The following LRMDA variants were observed in gnomAD, a reference collection of about 807,000 sequenced individuals.
LRMDA encodes leucine-rich melanocyte differentiation-associated protein.
LRMDA carries 18 observed loss-of-function variants against 29.8 expected under a neutral mutation model. That is an observed-to-expected ratio of 0.60 (90% CI 0.42 to 0.90). The LOEUF (loss-of-function observed/expected upper bound fraction) is 0.90. Among genes scored for constraint, LRMDA ranks in the 40% least tolerant of loss-of-function variants. The probability of loss-of-function intolerance (pLI) is 0.00; values close to 1 mark genes in which losing one functional copy is unlikely to be tolerated. For missense variants in LRMDA, 273 were observed against 273.9 expected (o/e 1.00, Z 0.02); for synonymous variants, 125 against 109.4 (o/e 1.14, Z -0.89).
At chr10:75,856,896 C>T (rs1844837218) in intron 2 of LRMDA, among the ~76,000 whole-genome samples, 1 of 152,124 alleles carries the variant, frequency 6.6e-6, no homozygotes, top group African/African-American at 2.4e-5. Context: ...CAAATTGTCC[C>T]TGTTTGCAGA....
rs548294173 is a variant in LRMDA, at chr10:75,665,819, A to T, written c.131+227325A>T. 4.6e-5 allele frequency among the ~76,000 whole-genome samples: 7 copies of T among 152,350 alleles called. No homozygotes were observed. The East Asian group carries it at 1.3e-3, about 29-fold the overall frequency. On this transcript the variant is annotated intron_variant, in intron 2 of 6. Coordinates refer to ENST00000611255, the MANE Select transcript of LRMDA (RefSeq NM_001305581.2). ...AGTCTGTAAGTTGTAGGAAACTGAT[A>T]ATAATGCAAAAAAATTTTTGCCTCT...
Position 75,811,254 on chromosome 10 carries a change from T to C in LRMDA, c.132-224754T>C, listed in dbSNP as rs547411914. 2.6e-5 allele frequency among the ~76,000 whole-genome samples: 4 copies of C among 152,334 alleles called. No individual in the cohort carries two copies. In the East Asian group the frequency reaches 7.7e-4, roughly 29 times the overall value. ...GCCTGTCTGGTTATTCTCATCACAC[T>C]TTCCTCTCCTTCATGGGCAAGCTCC... On this transcript the variant is annotated intron_variant, in intron 2 of 6. Coordinates refer to ENST00000611255, the MANE Select transcript of LRMDA (RefSeq NM_001305581.2).
chr10:75,510,768 A>G (rs912539177), intron 2 of LRMDA, among the ~76,000 whole-genome samples: 2 of 152,174 alleles, frequency 1.3e-5, no homozygotes, highest in African/African-American at 4.8e-5. Flanking sequence ...CCATGGAGGC[A>G]GAAGAGAAGT....
At chr10:76,432,652 G>A (rs755932588) in intron 6 of LRMDA, among the ~76,000 whole-genome samples, 2 of 152,182 alleles carry the variant, frequency 1.3e-5, no homozygotes, top group African/African-American at 4.8e-5. Flanking sequence ...ATTGTCTAAT[G>A]TAACAACAGA....
chr10:75,457,586 G>C (rs190372835), intron 2 of LRMDA, among the ~76,000 whole-genome samples: 1 of 152,198 alleles, frequency 6.6e-6, no homozygotes, highest in African/African-American at 2.4e-5. Context: ...AGATAAAACT[G>C]TAGGCACTGA....
chr10:76,145,847 TA>T lies in LRMDA; in HGVS notation c.516+87065del, dbSNP rs564569658. On this transcript the variant is annotated intron_variant, in intron 5 of 6. Coordinates refer to ENST00000611255, the MANE Select transcript of LRMDA (RefSeq NM_001305581.2). ...GCATTTAGTGCTATAAATTTCCCTC[TA>T]CACACTGCTTTGAATGTGTCCCAGA... 4.8e-3 allele frequency among the ~76,000 whole-genome samples: 731 copies of T among 151,686 alleles called. 10 individuals carry two copies. The highest frequency in any genetic ancestry group is 0.017 in the African/African-American group (700 of 41,240).
intron 2 of LRMDA, among the ~76,000 whole-genome samples, chr10:75,753,153 T>C (rs554103201): frequency 2.6e-5 from 4 of 152,184 alleles, no homozygotes; most frequent in Non-Finnish European, 5.9e-5. Flanking sequence ...CCTGTTCATT[T>C]TTAAAGCCCT....
At chr10:75,658,449 A>G (rs928430252) in intron 2 of LRMDA, among the ~76,000 whole-genome samples, 8 of 152,104 alleles carry the variant, frequency 5.3e-5, no homozygotes, top group African/African-American at 1.9e-4. Context: ...TCAAATAGCA[A>G]AAGGTTTCTT....
intron 2 of LRMDA, among the ~76,000 whole-genome samples, chr10:75,867,747 A>G (rs1845044633): frequency 6.6e-6 from 1 of 152,132 alleles, no homozygotes; most frequent in Admixed American, 6.5e-5. Context: ...TCCCCTTTCT[A>G]GGTGCTTTGG....
intron 2 of LRMDA, among the ~76,000 whole-genome samples, chr10:75,685,662 C>T (rs1564539494): frequency 6.6e-6 from 1 of 152,186 alleles, no homozygotes. Context: ...CAAAGAGATA[C>T]ATAAATAATT....
intron 2 of LRMDA, among the ~76,000 whole-genome samples, chr10:75,465,361 G>A (rs981825883): frequency 6.6e-6 from 1 of 152,260 alleles, no homozygotes. Flanking sequence ...GGCAAAGCAC[G>A]CACATCTATC....
At chr10:76,526,524 T>C (rs16933628) in intron 6 of LRMDA, among the ~76,000 whole-genome samples, 8,269 of 152,140 alleles carry the variant, frequency 0.054, 281 homozygotes, top group African/African-American at 0.088. Flanking sequence ...GATCATGTCA[T>C]TGGGAGGCTG....
intron 6 of LRMDA, among the ~76,000 whole-genome samples, chr10:76,333,194 G>A (rs140869066): frequency 6.6e-6 from 1 of 152,294 alleles, no homozygotes; most frequent in East Asian, 1.9e-4. Context: ...TTTTGAAAAG[G>A]TCAGAAATAA....
chr10:75,473,089 GGA>G (rs1365100108), intron 2 of LRMDA, among the ~76,000 whole-genome samples: 1 of 152,248 alleles, frequency 6.6e-6, no homozygotes, highest in Non-Finnish European at 1.5e-5. Context: ...TGATGGACCA[GGA>G]GAGAGAGCTG....
At chr10:76,262,597 T>G (rs2132310868) in intron 5 of LRMDA, among the ~76,000 whole-genome samples, 1 of 152,322 alleles carries the variant, frequency 6.6e-6, no homozygotes, top group East Asian at 1.9e-4. Context: ...ACCTACATCT[T>G]CTCTGATTGG....
chr10:76,433,015 G>A (rs574724509), intron 6 of LRMDA, among the ~76,000 whole-genome samples: 4 of 152,326 alleles, frequency 2.6e-5, no homozygotes, highest in African/African-American at 9.6e-5. Flanking sequence ...AATTGGGAGG[G>A]GAGGGAATGG....
At chr10:75,787,307 T>C (rs1284823554) in intron 2 of LRMDA, among the ~76,000 whole-genome samples, 1 of 152,230 alleles carries the variant, frequency 6.6e-6, no homozygotes, top group Non-Finnish European at 1.5e-5. Flanking sequence ...CCTGGGTGTT[T>C]CCTGGGTTGG....
At chr10:75,672,506 T>C (rs1841902861) in intron 2 of LRMDA, among the ~76,000 whole-genome samples, 1 of 139,036 alleles carries the variant, frequency 7.2e-6, no homozygotes, top group Non-Finnish European at 1.6e-5. Flanking sequence ...GACACTTCCT[T>C]GTATTTTTCT....
chr10:75,644,189 T>G (rs1841487831), intron 2 of LRMDA, among the ~76,000 whole-genome samples: 2 of 152,124 alleles, frequency 1.3e-5, no homozygotes, highest in South Asian at 4.1e-4. Context: ...GGAAAAAGCT[T>G]TTTCCTTGCT....
Sources: gnomAD v4.1 joint callset for allele counts (sites outside exome capture counted in the v4.1 genomes callset) on GRCh38, gnomAD v4.1.1 for gene constraint, MANE v1.5 for transcripts, NCBI Gene and HGNC (gene_info 2026-07-23, HGNC 2026-07-21) for gene names.